The following SPECC1 variants were observed in gnomAD, a reference collection of about 807,000 sequenced individuals.
SPECC1 encodes the protein sperm antigen with calponin homology and coiled-coil domains 1.
In SPECC1, 62 loss-of-function variants were observed where a neutral mutation model predicts 104.1. The observed-to-expected ratio is 0.60, with a 90% CI of 0.49 to 0.74. The LOEUF is 0.74. Ranked by LOEUF, SPECC1 falls within the 30% of genes least tolerant of loss-of-function variation. SPECC1 has a pLI of 0.00. For missense variants in SPECC1, 1,306 were observed against 1,310.5 expected, an observed-to-expected ratio of 1.00 and a Z score of 0.05; for synonymous variants, 513 against 501.6, an observed-to-expected ratio of 1.02 and a Z score of -0.30.
intron 3 of SPECC1, among the ~76,000 whole-genome samples, chr17:20,147,082 T>TA (rs2031541893): frequency 9.8e-6 from 1 of 101,528 alleles, no homozygotes; most frequent in African/African-American, 3.9e-5. Flanking sequence ...TGGATCGTGA[T>TA]TTTTTTTTTT....
At chr17:20,253,056 T>C (rs2703786) in intron 9 of SPECC1, among the ~76,000 whole-genome samples, 66,174 of 150,606 alleles carry the variant, frequency 0.44, 15,065 homozygotes, top group East Asian at 0.8. Flanking sequence ...TTTTTTTTGA[T>C]GATGGTCTTC....
At chr17:20,163,686 G>A (rs1399959569) in intron 3 of SPECC1, among the ~76,000 whole-genome samples, 4 of 151,464 alleles carry the variant, frequency 2.6e-5, no homozygotes, top group East Asian at 1.9e-4. Flanking sequence ...GCAGCCTCCC[G>A]AGTAGCTACG....
chr17:20,158,983 A>C (rs1218598386), intron 3 of SPECC1, among the ~76,000 whole-genome samples: 1 of 147,762 alleles, frequency 6.8e-6, no homozygotes. Context: ...TTTGAGATGG[A>C]GGCTTGTTCT....
At position 20,278,720 on chromosome 17, in the gene SPECC1, T is replaced by TCTC. The variant is rs201319703; in HGVS notation, c.2941-18241_2941-18240insCTC. The stretch of plus-strand genomic sequence containing the variant: ...CCCTGTCTCTCTCTCTCTCTCTCTC[T>TCTC]TTTTTTTTTTAAAGGTTCTTACCAT... On this transcript the variant is annotated intron_variant, in intron 12 of 14. Transcript: ENST00000395527. Among the ~76,000 whole-genome samples the TCTC allele has an allele frequency of 2.8e-3, 409 of 144,794 alleles. 15 individuals are homozygous for TCTC. The East Asian group carries it at 0.08, about 28-fold the overall frequency. 95.0% of individuals were successfully genotyped at this position (144,794 alleles called of 152,430 possible).
At chr17:20,117,361 C>A (rs1470782249) in intron 3 of SPECC1, among the ~76,000 whole-genome samples, 1 of 151,858 alleles carries the variant, frequency 6.6e-6, no homozygotes, top group South Asian at 2.1e-4. Flanking sequence ...GGAACAGACA[C>A]AGAAGCCATA....
chr17:20,310,332 G>C (rs1271813721), intron 14 of SPECC1, among the ~76,000 whole-genome samples: 1 of 152,160 alleles, frequency 6.6e-6, no homozygotes, highest in East Asian at 1.9e-4. Flanking sequence ...CACAGTAACT[G>C]AACTAATTTA....
chr17:20,263,542 A>G (rs2151606677), intron 12 of SPECC1, among the ~76,000 whole-genome samples: 1 of 152,014 alleles, frequency 6.6e-6, no homozygotes, highest in East Asian at 1.9e-4. Flanking sequence ...AAGAAAATAA[A>G]TAAATATCAA....
chr17:20,089,175 G>A (rs1445681839), intron 1 of SPECC1, among the ~76,000 whole-genome samples: 1 of 152,240 alleles, frequency 6.6e-6, no homozygotes, highest in East Asian at 1.9e-4. Flanking sequence ...CGTTGGGGGA[G>A]TTAGCAAACT....
At chr17:20,131,717 T>G (rs748546705) in intron 3 of SPECC1, among the ~76,000 whole-genome samples, 12 of 151,392 alleles carry the variant, frequency 7.9e-5, no homozygotes, top group Non-Finnish European at 1.3e-4. Flanking sequence ...TGGCACAATT[T>G]CGGCTCACTG....
intron 13 of SPECC1, among the ~76,000 whole-genome samples, chr17:20,301,871 A>C (rs1478836206): frequency 1.3e-5 from 2 of 151,982 alleles, no homozygotes; most frequent in East Asian, 3.9e-4. Context: ...ACACCTGGCT[A>C]GTTTTTATAT....
In SPECC1 at chr17:20,090,591, CAA is replaced by C. The variant is rs56019742; in HGVS notation, c.-21-6026_-21-6025del. On this transcript the variant is annotated intron_variant, in intron 1 of 14. Transcript: ENST00000395527. ...TGCACTAGACCATTTTACACTATTCCAAAAAAAAAAAAAAAGGGCTCTTATTT... is the reference window on the plus strand; with the variant it reads ...TGCACTAGACCATTTTACACTATTCCAAAAAAAAAAAAAGGGCTCTTATTT... 5.5e-3 allele frequency among the ~76,000 whole-genome samples: 785 copies of C among 142,334 alleles called. 2 individuals carry two copies. Among genetic ancestry groups the C allele is most frequent in the African/African-American group, 0.013 (507 of 38,766 alleles). The allele number at this position is 142,334 out of a possible 152,430, so 93.4% of individuals were successfully genotyped here. A position where few individuals can be genotyped will look rare whatever the true frequency, so the allele number is the denominator to read the frequency against.
At chr17:20,253,717 T>A (rs888155788) in intron 10 of SPECC1, 131 bp downstream of exon 10, 1 of 815,960 alleles carries the variant, frequency 1.2e-6, no homozygotes, top group Non-Finnish European at 2.0e-6. Flanking sequence ...CAACCCCGAA[T>A]AATGTACATA....
chr17:20,156,541 C>T (rs1234524545), intron 3 of SPECC1, among the ~76,000 whole-genome samples: 1 of 152,180 alleles, frequency 6.6e-6, no homozygotes, highest in Non-Finnish European at 1.5e-5. Context: ...GACCAGGTCT[C>T]CTGAGCGCGC....
chr17:20,092,306 T>TTTTTTTTTTTTTTTTTTTTTTTTTTCAG (rs1329417594), intron 1 of SPECC1, among the ~76,000 whole-genome samples: 1 of 151,666 alleles, frequency 6.6e-6, no homozygotes, highest in African/African-American at 2.4e-5. Flanking sequence ...AATCATGAGA[T>TTTTTTTTTTTTTTTTTTTTTTTTTTCAG]TAATAATAGA....
chr17:20,245,340 G>C (rs1362283093), intron 7 of SPECC1, among the ~76,000 whole-genome samples: 1 of 152,154 alleles, frequency 6.6e-6, no homozygotes, highest in African/African-American at 2.4e-5. Context: ...CAGCACCATA[G>C]CATCTTGTCT....
chr17:20,030,538 C>T (rs2044767226), intron 1 of SPECC1, among the ~76,000 whole-genome samples: 1 of 151,912 alleles, frequency 6.6e-6, no homozygotes. Context: ...AAATATATTA[C>T]AAGTATATTT....
chr17:20,206,335 T>C (rs938118248), intron 4 of SPECC1, among the ~76,000 whole-genome samples: 12 of 152,220 alleles, frequency 7.9e-5, no homozygotes, highest in African/African-American at 2.9e-4. Flanking sequence ...AGCATGCTTT[T>C]AGCTGCCAGT....
At chr17:20,218,227 G>A (rs1450433198) in intron 4 of SPECC1, among the ~76,000 whole-genome samples, 6 of 152,050 alleles carry the variant, frequency 3.9e-5, no homozygotes, top group South Asian at 2.1e-4. Flanking sequence ...GACTTTTACT[G>A]TTACATGTTC....
At chr17:20,182,573 A>G (rs141151539) in intron 3 of SPECC1, among the ~76,000 whole-genome samples, 90 of 152,346 alleles carry the variant, frequency 5.9e-4, no homozygotes, top group African/African-American at 2.0e-3. Context: ...CTATATAACA[A>G]TGCAATAATT....
Sources: allele counts gnomAD v4.1 joint callset (sites outside exome capture counted in the v4.1 genomes callset), GRCh38; gene constraint gnomAD v4.1.1; transcripts MANE v1.5; gene names NCBI Gene and HGNC (gene_info 2026-07-23, HGNC 2026-07-21).